The following USP19 variants were observed in gnomAD, a reference collection of about 807,000 sequenced individuals.
USP19 encodes ubiquitin carboxyl-terminal hydrolase 19.
A neutral mutation model predicts 144.8 loss-of-function variants in USP19; 40 were observed. That is an observed-to-expected ratio of 0.28 (90% CI 0.21 to 0.36). The LOEUF is 0.36. Ranked by LOEUF, USP19 falls within the 10% of genes least tolerant of loss-of-function variation. USP19 has a pLI of 1.00. For synonymous variants in USP19, 701 were observed against 709.3 expected (o/e 0.99, Z 0.19); for missense variants, 1,518 against 1,822.5 (o/e 0.83, Z 3.04).
At position 49,116,829 on chromosome 3, in the gene USP19, C is replaced by T; in HGVS notation, c.1024G>A (p.Asp342Asn). The T allele has an allele frequency of 2.5e-6, 4 of 1,614,138 alleles. No individual in the cohort carries two copies. The highest frequency in any genetic ancestry group is 3.4e-6 in the Non-Finnish European group (4 of 1,180,030). ...AGEKAVPPGN[D>N]PVSPAMVRSR... ...CGGACCATGGCTGGAGAGACTGGGT[C>T]ATTCCCGGGAGGCACTGCTTTCTCT... The change falls in exon 7 of 27, where the codon GAC becomes AAC. Residue 342 changes from aspartate (D) to asparagine (N), a missense_variant. Physicochemically the swap from Asp to Asn is conservative, Grantham distance 23. Around this residue, in one of 5 missense-constraint regions of USP19, gnomAD observed 707 missense variants for 728.9 expected, o/e 0.97. Transcript: ENST00000417901. The surrounding 1 kb of genome is among the most constrained non-coding windows in gnomAD (Gnocchi z 5.0).
chr3:49,114,419 G>A lies in USP19; in HGVS notation c.2293-135C>T, dbSNP rs1311744758. 6 of 773,764 alleles carry A rather than the reference G, an allele frequency of 7.8e-6. No homozygotes were observed. The Admixed American group carries it at 1.1e-4, about 14-fold the overall frequency. The allele number at this position is 773,764 out of a possible 1,614,324, so 47.9% of individuals were successfully genotyped here. A position where few individuals can be genotyped will look rare whatever the true frequency, so the allele number is the denominator to read the frequency against. Reference sequence around the variant, plus strand: ...CCAACCAGCAAACTCTCAGGCTTCAGGACACTAGACAGGGCAGGAGGACCA... The same window carrying A: ...CCAACCAGCAAACTCTCAGGCTTCAAGACACTAGACAGGGCAGGAGGACCA... On this transcript the variant is annotated intron_variant, in intron 15 of 26. Transcript: ENST00000417901. This position sits in a 1 kb window ranked among gnomAD's most constrained non-coding sequence, Gnocchi z 4.5.
Position 49,111,940 on chromosome 3 carries a change from G to A in USP19, c.2874C>T (p.Arg958=). 1.2e-6 allele frequency: 2 copies of A among 1,614,080 alleles called. No homozygotes were observed. Among genetic ancestry groups the A allele is most frequent in the Non-Finnish European group, 1.7e-6 (2 of 1,180,036 alleles). The change falls in exon 20 of 27, where the codon CGC becomes CGT. Residue 958 remains arginine, a synonymous_variant. Transcript: ENST00000417901. The surrounding 1 kb of genome is among the most constrained non-coding windows in gnomAD (Gnocchi z 5.9). ...CATAGCCCTCTAGCAACTGAGCGAG[G>A]CGGGCATAAGTGAGGCGTGAGGCAG... ...SVPASRLTYA[R]LAQLLEGYAR...
Position 49,119,389 on chromosome 3 carries a change from C to T in USP19, c.-136-108G>A, listed in dbSNP as rs1479822994. 24 of 466,928 alleles carry T rather than the reference C, an allele frequency of 5.1e-5. No individual in the cohort carries two copies. The East Asian group carries it at 7.4e-4, about 14-fold the overall frequency. The allele number at this position is 466,928 out of a possible 1,614,324, so 28.9% of individuals were successfully genotyped here. On this transcript the variant is annotated intron_variant, in intron 1 of 26. Transcript: ENST00000417901. The stretch of plus-strand genomic sequence containing the variant: ...CTAATGCTACAGAGCTGTATCTTCT[C>T]ATCTCTTAAGTACCCCTGGACACTC...
At position 49,117,552 on chromosome 3, in the gene USP19, C is replaced by T; in HGVS notation, c.491G>A (p.Gly164Asp). The change falls in exon 5 of 27, where the codon GGT becomes GAT. Residue 164 changes from glycine (G) to aspartate (D), a missense_variant. This residue lies in a region of USP19 where 707 missense variants were observed against 728.9 expected (regional missense o/e 0.97). Coordinates refer to ENST00000417901, the MANE Select transcript of USP19 (RefSeq NM_001199161.2). This position sits in a 1 kb window ranked among gnomAD's most constrained non-coding sequence, Gnocchi z 4.4. The part of the protein sequence containing the change: ...VRFAGGQQWG[G>D]VFYAEIKSSC... ...GCTTTTTATCTCAGCATAGAAGACA[C>T]CACCCCACTGCTGACCACCTGGGGA... 1.2e-6 allele frequency: 2 copies of T among 1,614,102 alleles called. No homozygotes were observed. The highest frequency in any genetic ancestry group is 1.7e-6 in the Non-Finnish European group (2 of 1,180,034).
chr3:49,108,490 C>A lies in USP19; in HGVS notation c.4077G>T (p.Thr1359=). 7.9e-7 allele frequency: 1 copy of A among 1,271,108 alleles called. No individual in the cohort carries two copies. The highest frequency in any genetic ancestry group is 2.2e-5 in the South Asian group (1 of 44,994). The allele number at this position is 1,271,108 out of a possible 1,614,324, so 78.7% of individuals were successfully genotyped here. The change falls in exon 27 of 27, where the codon ACG becomes ACT. Residue 1359 remains threonine, a synonymous_variant. Coordinates refer to ENST00000417901, the MANE Select transcript of USP19 (RefSeq NM_001199161.2). The surrounding 1 kb of genome is among the most constrained non-coding windows in gnomAD (Gnocchi z 4.8). ...GGGCGAAGCGTTCAGGGGCTGTCCGCGTGGGGGCCACCTCGGGGGCCTGGC... is the reference window on the plus strand; with the variant it reads ...GGGCGAAGCGTTCAGGGGCTGTCCGAGTGGGGGCCACCTCGGGGGCCTGGC... The part of the protein sequence containing the change: ...GPGQAPEVAP[T]RTAPERFAPP...
Position 49,110,470 on chromosome 3 carries a change from T to C in USP19, c.3833A>G (p.Asp1278Gly), listed in dbSNP as rs2042982411. The C allele has an allele frequency of 3.1e-6, 5 of 1,614,174 alleles. No homozygotes were observed. The highest frequency in any genetic ancestry group is 4.2e-6 in the Non-Finnish European group (5 of 1,180,036). Reference sequence around the variant, plus strand: ...CACGTCACTGCGCTGACTGCTACGATCATTGGGCAGGCGTGCACAGGCAGT... The same window carrying C: ...CACGTCACTGCGCTGACTGCTACGACCATTGGGCAGGCGTGCACAGGCAGT... ...HYTACARLPN[D>G]RSSQRSDVGW... Residue 1278 changes from aspartate to glycine, a missense_variant, in exon 25 of 27, where the codon GAT becomes GGT. Around this residue, in one of 5 missense-constraint regions of USP19, gnomAD observed 122 missense variants for 200.4 expected, o/e 0.61. Transcript: ENST00000417901. This position sits in a 1 kb window ranked among gnomAD's most constrained non-coding sequence, Gnocchi z 6.1.
In USP19 at chr3:49,119,174, G is replaced by A. The variant is rs1290978724; in HGVS notation, c.-29C>T. ...GAGCCGCTTGGTCGACAGCCAGAGT[G>A]CCCCGGGGTCGGCAACAGCGTCTGG... On this transcript the variant is annotated 5_prime_UTR_variant, in exon 2 of 27. Transcript: ENST00000417901. The A allele has an allele frequency of 6.2e-7, 1 of 1,602,074 alleles. No individual in the cohort carries two copies. The highest frequency in any genetic ancestry group is 1.3e-5 in the African/African-American group (1 of 74,794).
In USP19 at chr3:49,110,960, C is replaced by T; in HGVS notation, c.3535G>A (p.Glu1179Lys). ...LFTRPEVLAP[E>K]EAWYCPQCKQ... ...CTGCTCTGTTCTCACCAGGCCTCCT[C>T]GGGTGCCAGCACCTCAGGCCGTGTG... The change falls in exon 23 of 27, where the codon GAG becomes AAG. Residue 1179 changes from glutamate to lysine, a missense_variant. Coordinates refer to ENST00000417901, the MANE Select transcript of USP19 (RefSeq NM_001199161.2). The surrounding 1 kb of genome is among the most constrained non-coding windows in gnomAD (Gnocchi z 6.1). The T allele has an allele frequency of 4.3e-6, 7 of 1,613,908 alleles. No individual in the cohort carries two copies. Among genetic ancestry groups the T allele is most frequent in the Admixed American group, 1.7e-5 (1 of 60,018 alleles).
At chr3:49,113,326 G>C (rs2043490924) in intron 17 of USP19, among the ~76,000 whole-genome samples, 1 of 152,020 alleles carries the variant, frequency 6.6e-6, no homozygotes, top group Non-Finnish European at 1.5e-5. Context: ...ACCCAGGCTG[G>C]AGTGCAGTGG....
At position 49,112,988 on chromosome 3, in the gene USP19, A is replaced by G. The variant is rs992253282; in HGVS notation, c.2506-359T>C. ...CACTCTTACCCCTAAGAAAACCAAC[A>G]CTGTCAGGCTAAAGGCTAGGAACCC... On this transcript the variant is annotated intron_variant, in intron 17 of 26. Coordinates refer to ENST00000417901, the MANE Select transcript of USP19 (RefSeq NM_001199161.2). This position sits in a 1 kb window ranked among gnomAD's most constrained non-coding sequence, Gnocchi z 4.9. Among the ~76,000 whole-genome samples, 4 of 152,108 alleles carry G rather than the reference A, an allele frequency of 2.6e-5. No individual in the cohort carries two copies. Among genetic ancestry groups the G allele is most frequent in the Non-Finnish European group, 5.9e-5 (4 of 68,006 alleles).
Position 49,114,186 on chromosome 3 carries a change from G to A in USP19, c.2391C>T (p.Ser797=). Residue 797 remains serine (S), a synonymous_variant, in exon 16 of 27, where the codon AGC becomes AGT. Coordinates refer to ENST00000417901, the MANE Select transcript of USP19 (RefSeq NM_001199161.2). This position sits in a 1 kb window ranked among gnomAD's most constrained non-coding sequence, Gnocchi z 4.5. The stretch of plus-strand genomic sequence containing the variant: ...GCTTACTCCTCACCTTGATGGGCTT[G>A]CTGTGGGGCTCTCGGGCAAAATAAA... ...PVFYFAREPH[S]KPIKFLVSVS... 6.2e-7 allele frequency: 1 copy of A among 1,614,216 alleles called. No homozygotes were observed. Among genetic ancestry groups the A allele is most frequent in the South Asian group, 1.1e-5 (1 of 91,090 alleles).
Position 49,117,815 on chromosome 3 carries a change from G to C in USP19, c.314C>G (p.Pro105Arg), listed in dbSNP as rs779069538. The change falls in exon 4 of 27, where the codon CCT becomes CGT. Residue 105 changes from proline (P) to arginine (R), a missense_variant. By Grantham distance (103) the Pro-to-Arg change is moderately radical (BLOSUM62 -2). Coordinates refer to ENST00000417901, the MANE Select transcript of USP19 (RefSeq NM_001199161.2). The surrounding 1 kb of genome is among the most constrained non-coding windows in gnomAD (Gnocchi z 4.4). ...EQTKEGACED[P>R]HDLLATPTPE... ...AGTGGGAGTAGCCAAGAGATCATGAGGGTCTTCACAAGCTCCTGATGGTGA... is the reference window on the plus strand; with the variant it reads ...AGTGGGAGTAGCCAAGAGATCATGACGGTCTTCACAAGCTCCTGATGGTGA... The C allele has an allele frequency of 1.2e-6, 2 of 1,614,202 alleles. No homozygotes were observed.
chr3:49,114,398 C>T lies in USP19; in HGVS notation c.2293-114G>A. The stretch of plus-strand genomic sequence containing the variant: ...TGGCTCTCAGGGCCCCCACAGCCAA[C>T]CAGCAAACTCTCAGGCTTCAGGACA... On this transcript the variant is annotated intron_variant, in intron 15 of 26. Coordinates refer to ENST00000417901, the MANE Select transcript of USP19 (RefSeq NM_001199161.2). The surrounding 1 kb of genome is among the most constrained non-coding windows in gnomAD (Gnocchi z 4.5). The T allele has an allele frequency of 1.1e-6, 1 of 929,134 alleles. No homozygotes were observed. Among genetic ancestry groups the T allele is most frequent in the East Asian group, 2.5e-5 (1 of 39,662 alleles). The allele number at this position is 929,134 out of a possible 1,614,324, so 57.6% of individuals were successfully genotyped here.
rs1470796315 is a variant in USP19, at chr3:49,112,755, A to T, written c.2506-126T>A. 2.3e-6 allele frequency: 3 copies of T among 1,322,740 alleles called. No homozygotes were observed. Among genetic ancestry groups the T allele is most frequent in the Non-Finnish European group, 3.0e-6 (3 of 984,148 alleles). The allele number at this position is 1,322,740 out of a possible 1,614,324, so 81.9% of individuals were successfully genotyped here. On this transcript the variant is annotated intron_variant, in intron 17 of 26. Transcript: ENST00000417901. The surrounding 1 kb of genome is among the most constrained non-coding windows in gnomAD (Gnocchi z 4.9). Reference sequence around the variant, plus strand: ...GCAGTGGTGAGGTCTGTAGGCCCAAATAGGCTTATGCCTCTGCTGGCACCT... The same window carrying T: ...GCAGTGGTGAGGTCTGTAGGCCCAATTAGGCTTATGCCTCTGCTGGCACCT...
chr3:49,108,680 T>G lies in USP19; in HGVS notation c.4039-152A>C. On this transcript the variant is annotated intron_variant, in intron 26 of 26. Transcript: ENST00000417901. The surrounding 1 kb of genome is among the most constrained non-coding windows in gnomAD (Gnocchi z 4.8). Reference sequence around the variant, plus strand: ...TGAGACAGAGAGACGAGATTGGGCCTGAATAGTCTGGTTTTATTAACACTT... The same window carrying G: ...TGAGACAGAGAGACGAGATTGGGCCGGAATAGTCTGGTTTTATTAACACTT... 7.7e-7 allele frequency: 1 copy of G among 1,306,664 alleles called. No individual in the cohort carries two copies. Among genetic ancestry groups the G allele is most frequent in the Non-Finnish European group, 9.7e-7 (1 of 1,028,830 alleles). The allele number at this position is 1,306,664 out of a possible 1,614,324, so 80.9% of individuals were successfully genotyped here. A position where few individuals can be genotyped will look rare whatever the true frequency, so the allele number is the denominator to read the frequency against.
Position 49,112,316 on chromosome 3 carries a change from A to G in USP19, c.2733T>C (p.Cys911=), listed in dbSNP as rs2043297321. The change falls in exon 19 of 27, where the codon TGT becomes TGC. Residue 911 remains cysteine (C), a synonymous_variant. Coordinates refer to ENST00000417901, the MANE Select transcript of USP19 (RefSeq NM_001199161.2). The surrounding 1 kb of genome is among the most constrained non-coding windows in gnomAD (Gnocchi z 4.9). ...AGTAGCCCACACGGTAGCACCGGGT[A>G]CAGCGCTTCAGCTTTTCATCCTCCG... The part of the protein sequence containing the change: ...QQSEDEKLKR[C]TRCYRVGYCN... The G allele has an allele frequency of 1.2e-6, 2 of 1,613,462 alleles. No homozygotes were observed. The highest frequency in any genetic ancestry group is 2.2e-5 in the East Asian group (1 of 44,848).
chr3:49,113,510 C>T (rs1263954949), intron 17 of USP19, among the ~76,000 whole-genome samples: 2 of 152,130 alleles, frequency 1.3e-5, no homozygotes, highest in Non-Finnish European at 2.9e-5. Context: ...GATCTCCTGA[C>T]CTTGTGATCC....
chr3:49,114,322 G>T lies in USP19; in HGVS notation c.2293-38C>A. 6.3e-7 allele frequency: 1 copy of T among 1,589,770 alleles called. No individual in the cohort carries two copies. Among genetic ancestry groups the T allele is most frequent in the Non-Finnish European group, 8.6e-7 (1 of 1,159,092 alleles). On this transcript the variant is annotated intron_variant, in intron 15 of 26. Coordinates refer to ENST00000417901, the MANE Select transcript of USP19 (RefSeq NM_001199161.2). The surrounding 1 kb of genome is among the most constrained non-coding windows in gnomAD (Gnocchi z 4.5). Reference sequence around the variant, plus strand: ...AGGTGGCACTGGGTAGCTGCACACAGAGTGGGAGATAAGATGCTCATGCTC... The same window carrying T: ...AGGTGGCACTGGGTAGCTGCACACATAGTGGGAGATAAGATGCTCATGCTC...
chr3:49,111,558 G>A lies in USP19; in HGVS notation c.3159C>T (p.Ala1053=). 6.2e-7 allele frequency: 1 copy of A among 1,612,870 alleles called. No individual in the cohort carries two copies. The highest frequency in any genetic ancestry group is 1.7e-5 in the Admixed American group (1 of 60,028). ...AGGAGCCAACCTCAATGGGCCCACT[G>A]GCCAGCATCTCAGAAGAAATTCCAC... ...STSGISSEML[A]SGPIEVGSLP... The change falls in exon 21 of 27, where the codon GCC becomes GCT. Residue 1053 remains alanine (A), a synonymous_variant. Transcript: ENST00000417901. This position sits in a 1 kb window ranked among gnomAD's most constrained non-coding sequence, Gnocchi z 5.9.
Sources: gnomAD v4.1 joint callset for allele counts (sites outside exome capture counted in the v4.1 genomes callset) on GRCh38, gnomAD v4.1.1 for gene constraint, gnomAD v4.1.1 regional missense constraint, Gnocchi (gnomAD v3.1) non-coding constraint, MANE v1.5 for transcripts, NCBI Gene and HGNC (gene_info 2026-07-23, HGNC 2026-07-21) for gene names.